The following RBFOX1 variants were observed in gnomAD, a reference collection of about 807,000 sequenced individuals.
RBFOX1 encodes the protein RNA binding protein fox-1 homolog 1.
Under a neutral mutation model 57.7 loss-of-function variants are expected in RBFOX1, and 8 were observed. That is an observed-to-expected ratio of 0.14 (90% CI 0.08 to 0.25). The LOEUF is 0.25. RBFOX1 is among the 10% of genes least tolerant of loss of function. The probability of loss-of-function intolerance (pLI) is 1.00; values close to 1 mark genes in which losing one functional copy is unlikely to be tolerated. For synonymous variants in RBFOX1, 326 were observed against 222.4 expected (o/e 1.47, Z -4.15); for missense variants, 611 against 548.5 (o/e 1.11, Z -1.14).
At chr16:5,573,455 G>T (rs1411392415) in intron 2 of RBFOX1, among the ~76,000 whole-genome samples, 1 of 152,162 alleles carries the variant, frequency 6.6e-6, no homozygotes, top group East Asian at 1.9e-4. Context: ...GATTGGAATC[G>T]CTGGAGGCAG....
At chr16:7,470,903 G>T (rs1006177967) in intron 4 of RBFOX1, among the ~76,000 whole-genome samples, 4 of 151,606 alleles carry the variant, frequency 2.6e-5, no homozygotes, top group Non-Finnish European at 5.9e-5. Flanking sequence ...AGTATAATTT[G>T]CTTTACTTTT....
In RBFOX1 at chr16:7,018,152, A is replaced by C. The variant is rs548852697; in HGVS notation, c.-15-33905A>C. On this transcript the variant is annotated intron_variant, in intron 3 of 15. Transcript: ENST00000550418. ...GAAGCCCATCTGGAAATCTGTCTTA[A>C]GCCCTTGCTGAATTTCCACGAGCCG... Among the ~76,000 whole-genome samples the C allele has an allele frequency of 3.3e-5, 5 of 152,250 alleles. No individual in the cohort carries two copies. In the East Asian group the frequency reaches 9.7e-4, roughly 29 times the overall value.
intron 5 of RBFOX1, among the ~76,000 whole-genome samples, chr16:7,549,841 C>G (rs1020635812): frequency 1.4e-4 from 22 of 152,340 alleles, no homozygotes; most frequent in African/African-American, 3.8e-4. Context: ...CGGAAACACC[C>G]TCACGGACAC....
intron 2 of RBFOX1, among the ~76,000 whole-genome samples, chr16:6,386,503 A>G (rs2092291732): frequency 6.6e-6 from 1 of 152,208 alleles, no homozygotes; most frequent in African/African-American, 2.4e-5. Flanking sequence ...GATACACCAA[A>G]CATGATTCCT....
At chr16:6,856,622 C>A (rs980725374) in intron 3 of RBFOX1, among the ~76,000 whole-genome samples, 2 of 152,140 alleles carry the variant, frequency 1.3e-5, no homozygotes, top group Non-Finnish European at 2.9e-5. Flanking sequence ...GATGAGAAGA[C>A]AGTGATAAAC....
At chr16:5,681,064 C>T (rs1454065606) in intron 3 of RBFOX1, among the ~76,000 whole-genome samples, 1 of 151,828 alleles carries the variant, frequency 6.6e-6, no homozygotes, top group Non-Finnish European at 1.5e-5. Flanking sequence ...AAGACCACCC[C>T]ATGAGGTAAT....
At chr16:7,674,127 A>C (rs1250207179) in intron 13 of RBFOX1, among the ~76,000 whole-genome samples, 1 of 152,232 alleles carries the variant, frequency 6.6e-6, no homozygotes, top group African/African-American at 2.4e-5. Context: ...GAGTTAATAC[A>C]CAACTCTTAT....
intron 1 of RBFOX1, among the ~76,000 whole-genome samples, chr16:5,466,034 G>C (rs1312533509): frequency 1.3e-5 from 2 of 152,226 alleles, no homozygotes; most frequent in African/African-American, 4.8e-5. Flanking sequence ...GGAGGTGCTG[G>C]TGGAGTTCAT....
intron 4 of RBFOX1, among the ~76,000 whole-genome samples, chr16:5,916,192 C>G (rs944197606): frequency 3.0e-5 from 4 of 131,648 alleles, no homozygotes; most frequent in Admixed American, 7.8e-5. Flanking sequence ...CCCTGACACT[C>G]TAGCAAAAAA....
At chr16:6,656,485 G>A (rs1450567912) in intron 3 of RBFOX1, among the ~76,000 whole-genome samples, 1 of 151,982 alleles carries the variant, frequency 6.6e-6, no homozygotes, top group Non-Finnish European at 1.5e-5. Context: ...ACATCATGAT[G>A]ATGGCAACTG....
intron 1 of RBFOX1, among the ~76,000 whole-genome samples, chr16:6,029,154 G>C (rs771662074): frequency 6.6e-6 from 1 of 152,096 alleles, no homozygotes; most frequent in African/African-American, 2.4e-5. Flanking sequence ...GATACAAAAG[G>C]TTCCCTAGTT....
intron 9 of RBFOX1, among the ~76,000 whole-genome samples, chr16:7,598,510 A>T (rs562491114): frequency 6.6e-6 from 1 of 152,162 alleles, no homozygotes; most frequent in African/African-American, 2.4e-5. Context: ...TAAAAAAAAA[A>T]TTAAAAGAAA....
chr16:7,133,756 A>C (rs1455672699), intron 4 of RBFOX1, among the ~76,000 whole-genome samples: 2 of 152,222 alleles, frequency 1.3e-5, no homozygotes, highest in Non-Finnish European at 2.9e-5. Flanking sequence ...CACATCATTA[A>C]GAAAAATAAT....
chr16:7,374,306 C>G (rs946880621), intron 4 of RBFOX1, among the ~76,000 whole-genome samples: 5 of 152,174 alleles, frequency 3.3e-5, no homozygotes, highest in Admixed American at 1.3e-4. Flanking sequence ...GCGGAATGTC[C>G]TTCTTAAGGT....
chr16:7,451,106 A>G (rs1260649352), intron 4 of RBFOX1, among the ~76,000 whole-genome samples: 1 of 152,132 alleles, frequency 6.6e-6, no homozygotes, highest in Non-Finnish European at 1.5e-5. Flanking sequence ...GCTGAGGGTT[A>G]AGGCTCTGGA....
intron 1 of RBFOX1, among the ~76,000 whole-genome samples, chr16:5,451,381 C>T (rs762903058): frequency 1.3e-5 from 2 of 152,144 alleles, no homozygotes; most frequent in Non-Finnish European, 2.9e-5. Context: ...AACATCGATT[C>T]TCAGAACCTA....
At position 6,080,458 on chromosome 16, in the gene RBFOX1, C is replaced by G. The variant is rs115335997; in HGVS notation, c.-127+60466C>G. Among the ~76,000 whole-genome samples the G allele has an allele frequency of 3.4e-3, 516 of 152,264 alleles. 3 individuals carry two copies. The highest frequency in any genetic ancestry group is 0.012 in the African/African-American group (493 of 41,542). On this transcript the variant is annotated intron_variant, in intron 1 of 15. Coordinates refer to ENST00000550418, the MANE Select transcript of RBFOX1 (RefSeq NM_018723.4). ...TGCACCAAGCATTGGCCTGTGTGCT[C>G]TTGCCAGCAAAACAGGTGTGATCCT...
intron 2 of RBFOX1, among the ~76,000 whole-genome samples, chr16:5,517,990 C>T (rs1232589622): frequency 6.6e-6 from 1 of 151,612 alleles, no homozygotes; most frequent in Non-Finnish European, 1.5e-5. Context: ...AAAAGTTTCT[C>T]ATGGAGCCCC....
intron 3 of RBFOX1, among the ~76,000 whole-genome samples, chr16:5,806,958 G>A (rs1236768854): frequency 6.6e-6 from 1 of 152,158 alleles, no homozygotes; most frequent in Non-Finnish European, 1.5e-5. Context: ...TCCAGGAAGA[G>A]AAGGAATAGT....
Sources: gnomAD v4.1 joint callset for allele counts (sites outside exome capture counted in the v4.1 genomes callset) on GRCh38, gnomAD v4.1.1 for gene constraint, MANE v1.5 for transcripts, NCBI Gene and HGNC (gene_info 2026-07-23, HGNC 2026-07-21) for gene names.